The following PRKCA variants were observed in gnomAD, a reference collection of about 807,000 sequenced individuals.
The protein encoded by PRKCA is protein kinase C alpha.
PRKCA carries 27 observed loss-of-function variants against 87.0 expected under a neutral mutation model. That is an observed-to-expected ratio of 0.31 (90% CI 0.23 to 0.43). The LOEUF is 0.43. Among genes scored for constraint, PRKCA ranks in the 20% least tolerant of loss-of-function variants. PRKCA has a pLI of 1.00. For missense variants in PRKCA, 518 were observed against 852.3 expected (o/e 0.61, Z 4.88); for synonymous variants, 329 against 311.1 (o/e 1.06, Z -0.61).
chr17:66,742,579 T>C, intron 12 of PRKCA, 43 bp from the exon 13 acceptor site: 1 of 1,602,722 alleles, frequency 6.2e-7, no homozygotes, highest in Non-Finnish European at 8.5e-7. Context: ...CAAACCATGT[T>C]ATGTCATGGG....
At chr17:66,780,832 G>T (rs1044173375) in intron 14 of PRKCA, among the ~76,000 whole-genome samples, 1 of 152,160 alleles carries the variant, frequency 6.6e-6, no homozygotes, top group African/African-American at 2.4e-5. Flanking sequence ...TTCAGGCCAG[G>T]CGTGGTGACA....
rs142213070 is a variant in PRKCA at position 66,665,728 on chromosome 17, A to G, written c.529+20217A>G. Among the ~76,000 whole-genome samples the G allele has an allele frequency of 5.1e-3, 783 of 152,298 alleles. 11 individuals are homozygous for G. Among genetic ancestry groups the G allele is most frequent in the African/African-American group, 0.016 (674 of 41,558 alleles). ...CTCCAAGGTGGTTCTTAGGCACCTA[A>G]CATTTGAGACCTGCAGCTATGGGTA... On this transcript the variant is annotated intron_variant, in intron 5 of 16. Coordinates refer to ENST00000413366, the MANE Select transcript of PRKCA (RefSeq NM_002737.3).
intron 5 of PRKCA, chr17:66,677,075 T>TTTTATTTATTTATTGATTTATTTATTTA: frequency 6.9e-6 from 1 of 144,580 alleles, no homozygotes; most frequent in East Asian, 2.2e-4. Context: ...CACAGCTTAT[T>TTTTATTTATTTATTGATTTATTTATTTA]TTTATTTATT....
At chr17:66,383,399 A>ATT (rs11379801) in intron 2 of PRKCA, among the ~76,000 whole-genome samples, 1,627 of 147,238 alleles carry the variant, frequency 0.011, 20 homozygotes, top group African/African-American at 0.037. Context: ...GGAAAAGCCT[A>ATT]TTTTTTTTTT....
At chr17:66,439,507 A>G (rs971420691) in intron 2 of PRKCA, among the ~76,000 whole-genome samples, 70 of 152,078 alleles carry the variant, frequency 4.6e-4, no homozygotes, top group African/African-American at 1.7e-3. Flanking sequence ...AGGTGAAAAA[A>G]ATTATGTTGC....
At chr17:66,722,769 A>G (rs1163391135) in intron 8 of PRKCA, among the ~76,000 whole-genome samples, 1 of 152,202 alleles carries the variant, frequency 6.6e-6, no homozygotes, top group Non-Finnish European at 1.5e-5. Flanking sequence ...TGAGGAACCT[A>G]AAAATCCTGG....
chr17:66,799,424 ATGGTGG>A (rs1377788176), intron 16 of PRKCA, among the ~76,000 whole-genome samples: 6 of 1,390 alleles, frequency 4.3e-3, no homozygotes, highest in African/African-American at 0.016. Flanking sequence ...GGTGGTGGTG[ATGGTGG>A]TGGTGGTGAT....
intron 11 of PRKCA, among the ~76,000 whole-genome samples, chr17:66,740,414 A>C (rs1445752272): frequency 2.0e-5 from 3 of 152,140 alleles, no homozygotes; most frequent in African/African-American, 4.8e-5. Flanking sequence ...CCTCGGGGGC[A>C]TGTACCCTGA....
chr17:66,787,226 G>A (rs1975422885), intron 15 of PRKCA: 2 of 656,410 alleles, frequency 3.0e-6, no homozygotes, highest in Admixed American at 2.0e-5. Context: ...TGGCCTGGCT[G>A]CTTTCACTCA....
chr17:66,746,392 T>G (rs943366757), intron 13 of PRKCA, among the ~76,000 whole-genome samples: 1 of 152,132 alleles, frequency 6.6e-6, no homozygotes, highest in Non-Finnish European at 1.5e-5. Flanking sequence ...ACACGAATAC[T>G]TACAGTATAG....
intron 3 of PRKCA, among the ~76,000 whole-genome samples, chr17:66,540,369 C>T (rs76491273): frequency 0.14 from 21,970 of 152,168 alleles, 1,832 homozygotes; most frequent in East Asian, 0.19. Context: ...CAGCTGCCTG[C>T]AAACCCTGGA....
intron 2 of PRKCA, among the ~76,000 whole-genome samples, chr17:66,418,512 T>C (rs6504430): frequency 0.98 from 146,183 of 149,862 alleles, 71,403 homozygotes; most frequent in East Asian, 1. Context: ...CTCAGCTCAC[T>C]GCAACCTCTG....
chr17:66,360,579 G>T (rs140302290), intron 2 of PRKCA, among the ~76,000 whole-genome samples: 4 of 152,316 alleles, frequency 2.6e-5, no homozygotes, highest in South Asian at 4.1e-4. Context: ...AATGTTGCTT[G>T]TGGCAGCTGG....
chr17:66,646,489 A>G (rs1971460367), intron 5 of PRKCA, among the ~76,000 whole-genome samples: 1 of 152,034 alleles, frequency 6.6e-6, no homozygotes, highest in Admixed American at 6.5e-5. Context: ...AACTGTATAC[A>G]TTACCCTTGT....
chr17:66,459,794 T>C (rs1406239699), intron 2 of PRKCA, among the ~76,000 whole-genome samples: 4 of 152,240 alleles, frequency 2.6e-5, no homozygotes, highest in African/African-American at 7.2e-5. Flanking sequence ...TGCGTAAGTA[T>C]CACTCTCTAC....
chr17:66,514,444 G>A (rs921084486), intron 3 of PRKCA, among the ~76,000 whole-genome samples: 1 of 152,156 alleles, frequency 6.6e-6, no homozygotes, highest in Non-Finnish European at 1.5e-5. Flanking sequence ...TGCATGCTAA[G>A]TGTGTCATCC....
At chr17:66,641,255 T>C in intron 3 of PRKCA, 100 bp from the exon 4 acceptor site, 1 of 756,310 alleles carries the variant, frequency 1.3e-6, no homozygotes. Flanking sequence ...TTATCGAACC[T>C]TGACTTGGGG....
intron 3 of PRKCA, among the ~76,000 whole-genome samples, chr17:66,595,043 C>G (rs1229413040): frequency 6.6e-6 from 1 of 152,198 alleles, no homozygotes; most frequent in Non-Finnish European, 1.5e-5. Flanking sequence ...CCATGACTCC[C>G]TCCTAGTTTC....
At chr17:66,433,035 G>T (rs1032141922) in intron 2 of PRKCA, among the ~76,000 whole-genome samples, 1 of 152,220 alleles carries the variant, frequency 6.6e-6, no homozygotes, top group Non-Finnish European at 1.5e-5. Context: ...GATGTGTGCA[G>T]TTAGCCGGGG....
Sources: allele counts gnomAD v4.1 joint callset (sites outside exome capture counted in the v4.1 genomes callset), GRCh38; gene constraint gnomAD v4.1.1; transcripts MANE v1.5; gene names NCBI Gene and HGNC (gene_info 2026-07-23, HGNC 2026-07-21).